NTM: variants seen among roughly 807,000 people sequenced by gnomAD.
The protein encoded by NTM is neurotrimin, also known as IgLON family member 2.
Under a neutral mutation model 42.1 loss-of-function variants are expected in NTM, and 13 were observed. That is an observed-to-expected ratio of 0.31 (90% CI 0.20 to 0.49). NTM has a LOEUF of 0.49. Ranked by LOEUF, NTM falls within the 20% of genes least tolerant of loss-of-function variation. The pLI, the probability that NTM is intolerant of heterozygous loss-of-function variation, is 0.99. For synonymous variants in NTM, 187 were observed against 179.2 expected (o/e 1.04, Z -0.35); for missense variants, 373 against 452.8 (o/e 0.82, Z 1.60).
intron 4 of NTM, among the ~76,000 whole-genome samples, chr11:132,229,758 G>A (rs1362781899): frequency 1.3e-5 from 2 of 152,170 alleles, no homozygotes; most frequent in East Asian, 3.9e-4. Flanking sequence ...GCCTGGCTCT[G>A]GGGAGGAAAG....
chr11:131,381,645 T>C (rs1043503257), intron 1 of NTM, among the ~76,000 whole-genome samples: 3 of 152,180 alleles, frequency 2.0e-5, no homozygotes, highest in African/African-American at 7.2e-5. Flanking sequence ...AGTTGTGAGA[T>C]ACCGTGGCAT....
intron 3 of NTM, among the ~76,000 whole-genome samples, chr11:132,180,429 A>G (rs2077394369): frequency 6.6e-6 from 1 of 152,052 alleles, no homozygotes; most frequent in Non-Finnish European, 1.5e-5. Flanking sequence ...GCAAAATGGG[A>G]AAAAAAGGCA....
intron 4 of NTM, among the ~76,000 whole-genome samples, chr11:132,268,316 C>T (rs942975889): frequency 2.6e-5 from 4 of 152,148 alleles, no homozygotes; most frequent in African/African-American, 7.2e-5. Context: ...CTGCTAGCTA[C>T]GTATACACTA....
intron 1 of NTM, among the ~76,000 whole-genome samples, chr11:131,514,964 C>T (rs7479874): frequency 0.25 from 37,996 of 152,008 alleles, 5,964 homozygotes; most frequent in East Asian, 0.57. Flanking sequence ...GGCTGGAGTG[C>T]ATGGCATGAT....
At chr11:131,984,582 C>T (rs941385974) in intron 2 of NTM, 3 of 152,094 alleles carry the variant, frequency 2.0e-5, no homozygotes, top group Non-Finnish European at 2.9e-5. Flanking sequence ...TGGAGTACGC[C>T]CTACTTGGGG....
chr11:131,690,768 G>T (rs1375765054), intron 1 of NTM, among the ~76,000 whole-genome samples: 2 of 152,224 alleles, frequency 1.3e-5, no homozygotes, highest in East Asian at 1.9e-4. Context: ...AACAAAATGG[G>T]AGGATTCCTC....
At chr11:131,675,190 G>T (rs2134701214) in intron 1 of NTM, among the ~76,000 whole-genome samples, 1 of 152,256 alleles carries the variant, frequency 6.6e-6, no homozygotes, top group Non-Finnish European at 1.5e-5. Context: ...TTTCTGTTTA[G>T]CAAGACAGCA....
chr11:131,907,384 G>T (rs1030084776), intron 1 of NTM, among the ~76,000 whole-genome samples: 2 of 152,200 alleles, frequency 1.3e-5, no homozygotes, highest in Admixed American at 6.5e-5. Context: ...TCACCTGCCT[G>T]CCAACCATCC....
chr11:131,703,742 C>T (rs887922147), intron 1 of NTM, among the ~76,000 whole-genome samples: 2 of 152,196 alleles, frequency 1.3e-5, no homozygotes, highest in Admixed American at 1.3e-4. Context: ...GATGTCACCA[C>T]CACCCAAACG....
At chr11:132,174,442 A>G (rs1190817226) in intron 3 of NTM, among the ~76,000 whole-genome samples, 1 of 152,236 alleles carries the variant, frequency 6.6e-6, no homozygotes, top group African/African-American at 2.4e-5. Context: ...TTAAGAATGT[A>G]CCTTGCTACA....
chr11:131,969,165 A>G (rs889182905), intron 2 of NTM, among the ~76,000 whole-genome samples: 1 of 152,198 alleles, frequency 6.6e-6, no homozygotes, highest in Non-Finnish European at 1.5e-5. Context: ...TCAGAAGTTT[A>G]CCCAGGTGTC....
chr11:131,403,535 A>G (rs966356880), intron 1 of NTM, among the ~76,000 whole-genome samples: 1 of 152,064 alleles, frequency 6.6e-6, no homozygotes, highest in African/African-American at 2.4e-5. Flanking sequence ...AAACAACAAG[A>G]TCAACAACAA....
chr11:132,116,704 T>A (rs987832781), intron 2 of NTM, among the ~76,000 whole-genome samples: 1 of 152,180 alleles, frequency 6.6e-6, no homozygotes, highest in Admixed American at 6.5e-5. Context: ...TGATATGCCA[T>A]GGAAATGCAA....
chr11:131,880,031 G>C (rs942200338), intron 1 of NTM, among the ~76,000 whole-genome samples: 1 of 152,178 alleles, frequency 6.6e-6, no homozygotes, highest in African/African-American at 2.4e-5. Flanking sequence ...CAGGAGATAA[G>C]AGGCTGGAGA....
chr11:132,062,427 A>C (rs2136043864), intron 2 of NTM, among the ~76,000 whole-genome samples: 1 of 152,250 alleles, frequency 6.6e-6, no homozygotes, highest in African/African-American at 2.4e-5. Flanking sequence ...ATGTCTAACT[A>C]ATTGAGATTT....
intron 4 of NTM, among the ~76,000 whole-genome samples, chr11:132,253,737 T>C (rs1447380436): frequency 3.3e-5 from 5 of 152,180 alleles, no homozygotes; most frequent in Non-Finnish European, 7.3e-5. Context: ...ATAGTGACTT[T>C]TTCCCCCTCC....
At chr11:131,421,886 G>A (rs1470400040) in intron 1 of NTM, among the ~76,000 whole-genome samples, 1 of 152,242 alleles carries the variant, frequency 6.6e-6, no homozygotes, top group Admixed American at 6.5e-5. Flanking sequence ...TGCTAATAAG[G>A]GTTGTGCCTG....
chr11:131,558,984 T>A (rs1008176371), intron 1 of NTM, among the ~76,000 whole-genome samples: 1 of 152,200 alleles, frequency 6.6e-6, no homozygotes, highest in Non-Finnish European at 1.5e-5. Flanking sequence ...AATTAGTGAA[T>A]TTCAATAATA....
chr11:131,376,994 G>C (rs563119095), intron 1 of NTM, among the ~76,000 whole-genome samples: 1 of 152,260 alleles, frequency 6.6e-6, no homozygotes, highest in African/African-American at 2.4e-5. Flanking sequence ...TCTCAGATTT[G>C]GTTTGGCTTG....
Sources: gnomAD v4.1 joint callset for allele counts (sites outside exome capture counted in the v4.1 genomes callset) on GRCh38, gnomAD v4.1.1 for gene constraint, MANE v1.5 for transcripts, NCBI Gene and HGNC (gene_info 2026-07-23, HGNC 2026-07-21) for gene names.